TMEM132B: variants seen among roughly 807,000 people sequenced by gnomAD.
The protein encoded by TMEM132B is transmembrane protein 132B.
A neutral mutation model predicts 90.8 loss-of-function variants in TMEM132B; 18 were observed. That is an observed-to-expected ratio of 0.20 (90% CI 0.14 to 0.29). TMEM132B has a LOEUF of 0.29. Among genes scored for constraint, TMEM132B ranks in the 10% least tolerant of loss-of-function variants. TMEM132B has a pLI of 1.00. For missense variants in TMEM132B, 1,096 were observed against 1,326.8 expected (o/e 0.83, Z 2.70); for synonymous variants, 504 against 523.3 (o/e 0.96, Z 0.50).
chr12:125,294,456 C>T, intron 1 of TMEM132B, among the ~76,000 whole-genome samples: 1 of 152,228 alleles, frequency 6.6e-6, no homozygotes, highest in Admixed American at 6.5e-5. Context: ...TGGAGATGTT[C>T]ATCACAGAAC....
At chr12:125,465,678 T>C (rs987577669) in intron 3 of TMEM132B, among the ~76,000 whole-genome samples, 3 of 152,254 alleles carry the variant, frequency 2.0e-5, no homozygotes, top group African/African-American at 7.2e-5. Flanking sequence ...CAATCTTACA[T>C]ACTTTATTGC....
At chr12:125,548,139 A>G (rs78632380) in intron 4 of TMEM132B, among the ~76,000 whole-genome samples, 2,381 of 152,188 alleles carry the variant, frequency 0.016, 60 homozygotes, top group African/African-American at 0.055. Context: ...CCAACTGTCT[A>G]TGTGGAGTGA....
chr12:125,415,633 G>C lies in TMEM132B; in HGVS notation c.1062G>C (p.Ser354=). Residue 354 remains serine (S), a synonymous_variant, in exon 3 of 9, where the codon TCG becomes TCC. Coordinates refer to ENST00000682704, the MANE Select transcript of TMEM132B (RefSeq NM_001366854.1). The surrounding 1 kb of genome is among the most constrained non-coding windows in gnomAD (Gnocchi z 5.3). ...TTGATAATGGCAGCACTCAGACGTC[G>C]GCCACCCTCACCTGCATGGGCCATC... is the stretch of plus-strand genomic sequence containing the variant. ...EEIDNGSTQT[S]ATLTCMGHRP... is the part of the protein sequence containing the mutation. The C allele has an allele frequency of 6.2e-7, 1 of 1,614,162 alleles. No homozygotes were observed. Among genetic ancestry groups the C allele is most frequent in the South Asian group, 1.1e-5 (1 of 91,078 alleles).
At chr12:125,518,578 A>G (rs1883225517) in intron 3 of TMEM132B, among the ~76,000 whole-genome samples, 2 of 152,318 alleles carry the variant, frequency 1.3e-5, no homozygotes, top group African/African-American at 2.4e-5. Flanking sequence ...CCTGTGCTGC[A>G]TGGCTTTCTG....
At chr12:125,262,375 G>A (rs1044247575) in intron 1 of TMEM132B, among the ~76,000 whole-genome samples, 49 of 151,814 alleles carry the variant, frequency 3.2e-4, no homozygotes, top group African/African-American at 8.0e-4. Flanking sequence ...AGAAGTGTCT[G>A]AAAAAATAGG....
chr12:125,578,045 C>T (rs953522757), intron 4 of TMEM132B, among the ~76,000 whole-genome samples: 4 of 152,064 alleles, frequency 2.6e-5, no homozygotes, highest in Non-Finnish European at 4.4e-5. Context: ...GAGAATGCTC[C>T]ATGTAAATGC....
intron 1 of TMEM132B, among the ~76,000 whole-genome samples, chr12:125,234,655 G>A (rs1873892985): frequency 6.6e-6 from 1 of 152,152 alleles, no homozygotes; most frequent in Admixed American, 6.5e-5. Context: ...GGGGGTTCAG[G>A]AGCCACAATC....
rs1877461764 is a variant in TMEM132B at position 125,349,036 on chromosome 12, C to A, written c.68-416C>A. Among the ~76,000 whole-genome samples, 1 of 152,160 alleles carries A rather than the reference C, an allele frequency of 6.6e-6. No homozygotes were observed. Among genetic ancestry groups the A allele is most frequent in the Non-Finnish European group, 1.5e-5 (1 of 68,022 alleles). ...AAGTGATAGAGAGCAGCATAAATAT[C>A]AAAGTAATAAGGCACTAACGTGTCA... On this transcript the variant is annotated intron_variant, in intron 1 of 8. Coordinates refer to ENST00000682704, the MANE Select transcript of TMEM132B (RefSeq NM_001366854.1). The surrounding 1 kb of genome is among the most constrained non-coding windows in gnomAD (Gnocchi z 4.1).
At chr12:125,600,589 T>C (rs996176980) in intron 5 of TMEM132B, among the ~76,000 whole-genome samples, 3 of 152,224 alleles carry the variant, frequency 2.0e-5, no homozygotes, top group Non-Finnish European at 2.9e-5. Flanking sequence ...GTGAATCTTT[T>C]TGCCTGTTGA....
intron 2 of TMEM132B, among the ~76,000 whole-genome samples, chr12:125,358,785 G>C (rs1043296007): frequency 6.6e-6 from 1 of 152,162 alleles, no homozygotes; most frequent in Non-Finnish European, 1.5e-5. Flanking sequence ...CCCCTTTGTA[G>C]TTGGTAATAA....
intron 4 of TMEM132B, among the ~76,000 whole-genome samples, chr12:125,543,769 A>G (rs557712913): frequency 2.3e-4 from 35 of 152,350 alleles, no homozygotes; most frequent in African/African-American, 7.7e-4. Flanking sequence ...AATTAGTTCA[A>G]CCATTGTAGA....
At chr12:125,633,874 CCTGAAGCCAGCACAG>C (rs888329608) in intron 5 of TMEM132B, among the ~76,000 whole-genome samples, 1 of 152,202 alleles carries the variant, frequency 6.6e-6, no homozygotes, top group Admixed American at 6.5e-5. Context: ...CTGGATCAGA[CCTGAAGCCAGCACAG>C]CACTGGGTCT....
chr12:125,644,423 G>C, intron 6 of TMEM132B, 142 bp downstream of exon 6: 1 of 785,338 alleles, frequency 1.3e-6, no homozygotes, highest in Non-Finnish European at 2.0e-6. Context: ...GGGTTCAGAT[G>C]GATCTGACTT....
At chr12:125,335,869 C>A (rs903979039) in intron 1 of TMEM132B, among the ~76,000 whole-genome samples, 3 of 152,048 alleles carry the variant, frequency 2.0e-5, no homozygotes, top group African/African-American at 7.2e-5. Flanking sequence ...TGCCTGTAAT[C>A]CCAGCTACTT....
chr12:125,563,390 C>T (rs1017851992), intron 4 of TMEM132B, among the ~76,000 whole-genome samples: 6 of 151,894 alleles, frequency 4.0e-5, no homozygotes, highest in Non-Finnish European at 7.4e-5. Flanking sequence ...GGGCGGATCA[C>T]GAGGTCAAGA....
chr12:125,350,327 G>C lies in TMEM132B; in HGVS notation c.943G>C (p.Asp315His). 1.2e-6 allele frequency: 2 copies of C among 1,612,780 alleles called. No individual in the cohort carries two copies. The highest frequency in any genetic ancestry group is 1.1e-5 in the South Asian group (1 of 90,950). Reference protein sequence around the residue: ...LVSLTSSSVADQFTLRIKAAA... With the variant: ...LVSLTSSSVAHQFTLRIKAAA... ...CTCTCTGACCAGTAGCTCTGTGGCA[G>C]ACCAGTTCACTCTTAGGTAAGAGGC... is the stretch of plus-strand genomic sequence containing the variant. Residue 315 changes from aspartate to histidine, a missense_variant, in exon 2 of 9, where the codon GAC becomes CAC. Coordinates refer to ENST00000682704, the MANE Select transcript of TMEM132B (RefSeq NM_001366854.1).
chr12:125,356,727 A>G (rs565894981), intron 2 of TMEM132B, among the ~76,000 whole-genome samples: 2 of 152,190 alleles, frequency 1.3e-5, no homozygotes, highest in African/African-American at 4.8e-5. Flanking sequence ...CGTGGTCTGG[A>G]CCTGTTATCT....
intron 3 of TMEM132B, among the ~76,000 whole-genome samples, chr12:125,435,327 G>T (rs917046371): frequency 1.3e-5 from 2 of 152,162 alleles, no homozygotes; most frequent in Admixed American, 6.5e-5. Flanking sequence ...GCCAGGAAGG[G>T]CCTAGAATTT....
chr12:125,488,990 G>T (rs1249007802), intron 3 of TMEM132B, among the ~76,000 whole-genome samples: 2 of 152,172 alleles, frequency 1.3e-5, no homozygotes, highest in African/African-American at 2.4e-5. Context: ...GGAAAAATTG[G>T]TTTTTATCAC....
Sources: gnomAD v4.1 joint callset for allele counts (sites outside exome capture counted in the v4.1 genomes callset) on GRCh38, gnomAD v4.1.1 for gene constraint, Gnocchi (gnomAD v3.1) non-coding constraint, MANE v1.5 for transcripts, NCBI Gene and HGNC (gene_info 2026-07-23, HGNC 2026-07-21) for gene names.